ABCC8: variants seen among roughly 807,000 people sequenced by gnomAD.
ABCC8 encodes ATP binding cassette subfamily C member 8, also known as ATP-binding cassette sub-family C member 8.
In ABCC8, 137 loss-of-function variants were observed where a neutral mutation model predicts 188.0. The observed-to-expected ratio is 0.73, with a 90% CI of 0.63 to 0.84. ABCC8 has a LOEUF of 0.84. Among genes scored for constraint, ABCC8 ranks in the 40% least tolerant of loss-of-function variants. The pLI, the probability that ABCC8 is intolerant of heterozygous loss-of-function variation, is 0.00. For synonymous variants in ABCC8, 797 were observed against 846.5 expected, an observed-to-expected ratio of 0.94 and a Z score of 1.01; for missense variants, 1,750 against 2,072.7, an observed-to-expected ratio of 0.84 and a Z score of 3.02.
At chr11:17,461,292 T>G in intron 5 of ABCC8, 1 of 495,504 alleles carries the variant, frequency 2.0e-6, no homozygotes, top group Non-Finnish European at 3.7e-6. Flanking sequence ...GATGTGAGAG[T>G]CCAGTGGGGT....
intron 7 of ABCC8, among the ~76,000 whole-genome samples, chr11:17,451,299 C>T (rs570357883): frequency 1.2e-3 from 183 of 152,302 alleles, no homozygotes; most frequent in Non-Finnish European, 8.4e-4. Context: ...TGAGCAACAG[C>T]TTGGTTCCTC....
rs777932588 is a variant in ABCC8 at position 17,407,089 on chromosome 11, G to A, written c.2961C>T (p.Ser987=). Residue 987 remains serine (S), a synonymous_variant, in exon 25 of 39, where the codon TCC becomes TCT. Coordinates refer to ENST00000389817, the MANE Select transcript of ABCC8 (RefSeq NM_000352.6). ...GGATCTCAGCACGCTGGTGCAGCAT[G>A]GACGACAGGTTGTCATCCTCCTCGC... ...AESEEDDNLS[S]MLHQRAEIPW... is the part of the protein sequence containing the mutation. The A allele has an allele frequency of 6.2e-7, 1 of 1,613,734 alleles. No individual in the cohort carries two copies. The highest frequency in any genetic ancestry group is 1.1e-5 in the South Asian group (1 of 91,066).
Position 17,428,371 on chromosome 11 carries a change from CG to C in ABCC8, c.1957del (p.Arg653GlyfsTer56). On this transcript the variant is annotated frameshift_variant, in exon 14 of 39. Coordinates refer to ENST00000389817, the MANE Select transcript of ABCC8 (RefSeq NM_000352.6). LOFTEE classifies it high-confidence loss of function. ...LRVVNRKRPA[R>X]EDCRGLTGPL... Reference sequence around the variant, plus strand: ...GCCGGTGAGGCCCCGACAATCCTCCCGGGCTGGACGCTTGCGGTTCACAACC... The same window carrying C: ...GCCGGTGAGGCCCCGACAATCCTCCCGGCTGGACGCTTGCGGTTCACAACC... The C allele has an allele frequency of 6.2e-7, 1 of 1,614,096 alleles. No individual in the cohort carries two copies. The highest frequency in any genetic ancestry group is 8.5e-7 in the Non-Finnish European group (1 of 1,179,980).
At chr11:17,420,125 G>A (rs921777090) in intron 16 of ABCC8, among the ~76,000 whole-genome samples, 1 of 152,166 alleles carries the variant, frequency 6.6e-6, no homozygotes, top group Non-Finnish European at 1.5e-5. Context: ...GGAAGAAGTG[G>A]AAACTGAGGT....
At chr11:17,428,126 TC>T (rs1955670372) in intron 14 of ABCC8, 162 bp downstream of exon 14, 4 of 1,553,116 alleles carry the variant, frequency 2.6e-6, no homozygotes, top group Admixed American at 1.7e-5. Flanking sequence ...AGGCTGGGGG[TC>T]CCCCCACTTG....
intron 16 of ABCC8, among the ~76,000 whole-genome samples, chr11:17,424,124 T>C (rs2133518314): frequency 6.6e-6 from 1 of 151,894 alleles, no homozygotes; most frequent in Non-Finnish European, 1.5e-5. Flanking sequence ...TGAGAACACG[T>C]GGACACAGGG....
In ABCC8 at chr11:17,428,313, G is replaced by T. The variant is rs771361396; in HGVS notation, c.2016C>A (p.Gly672=). The change falls in exon 14 of 39, where the codon GGC becomes GGA. Residue 672 remains glycine (G), a synonymous_variant. Coordinates refer to ENST00000389817, the MANE Select transcript of ABCC8 (RefSeq NM_000352.6). ...PLQSLVPSAD[G]DADNCCVQIM... is the part of the protein sequence containing the mutation. ...CCTGGACACAGCAGTTGTCAGCATC[G>T]CCATCTGCACTGGGGACCAGGCTCT... is the stretch of plus-strand genomic sequence containing the variant. The T allele has an allele frequency of 6.2e-6, 10 of 1,614,042 alleles. No homozygotes were observed. In the South Asian group the frequency reaches 1.1e-4, roughly 18 times the overall value.
chr11:17,471,598 G>C (rs1358519074), intron 2 of ABCC8, among the ~76,000 whole-genome samples: 1 of 152,198 alleles, frequency 6.6e-6, no homozygotes, highest in Non-Finnish European at 1.5e-5. Context: ...TGCCAGTGTT[G>C]GTCCACGTAT....
chr11:17,443,664 G>C (rs1419233919), intron 8 of ABCC8, among the ~76,000 whole-genome samples: 1 of 152,152 alleles, frequency 6.6e-6, no homozygotes, highest in Non-Finnish European at 1.5e-5. Flanking sequence ...CTATTTGCTG[G>C]CTCTCAGGGC....
At position 17,443,228 on chromosome 11, in the gene ABCC8, C is replaced by G. The variant is rs758915102; in HGVS notation, c.1417G>C (p.Val473Leu). ...GAAVIILLAP[V>L]QYFVATKLSQ... Reference sequence around the variant, plus strand: ...AGCTTGGTGGCCACGAAGTACTGGACAGGAGCCAGTAGAATGATGACAGCT... The same window carrying G: ...AGCTTGGTGGCCACGAAGTACTGGAGAGGAGCCAGTAGAATGATGACAGCT... The change falls in exon 9 of 39, where the codon GTC becomes CTC. Residue 473 changes from valine (V) to leucine (L), a missense_variant. Transcript: ENST00000389817. The G allele has an allele frequency of 1.2e-6, 2 of 1,614,160 alleles. No individual in the cohort carries two copies. The highest frequency in any genetic ancestry group is 8.5e-7 in the Non-Finnish European group (1 of 1,180,034).
At position 17,461,417 on chromosome 11, in the gene ABCC8, C is replaced by T. The variant is rs188128124; in HGVS notation, c.822+166G>A. On this transcript the variant is annotated intron_variant, in intron 5 of 38. Transcript: ENST00000389817. Reference sequence around the variant, plus strand: ...TGTCCTATGAATCCTCAGCCCTGCACCTGTCCCTGGTTCACTGTGTGACTT... The same window carrying T: ...TGTCCTATGAATCCTCAGCCCTGCATCTGTCCCTGGTTCACTGTGTGACTT... 225 of 866,782 alleles carry T rather than the reference C, an allele frequency of 2.6e-4. No homozygotes were observed. In the East Asian group the frequency reaches 5.0e-3, roughly 19 times the overall value. 53.7% of individuals were successfully genotyped at this position (866,782 alleles called of 1,614,324 possible).
At chr11:17,410,711 T>C in intron 21 of ABCC8, 58 bp from the exon 22 acceptor site, 1 of 1,609,526 alleles carries the variant, frequency 6.2e-7, no homozygotes, top group Non-Finnish European at 8.5e-7. Context: ...TGGGGAGGGG[T>C]GACAATGAGT....
intron 28 of ABCC8, 21 bp from the exon 29 acceptor site, chr11:17,402,774 G>T (rs756125072): frequency 6.2e-7 from 1 of 1,614,108 alleles, no homozygotes; most frequent in Non-Finnish European, 8.5e-7. Flanking sequence ...GAACAGAGTG[G>T]AACAGTTAAG....
Position 17,397,024 on chromosome 11 carries a change from G to T in ABCC8, c.4011C>A (p.Asn1337Lys). 6.2e-7 allele frequency: 1 copy of T among 1,614,196 alleles called. No homozygotes were observed. The change falls in exon 33 of 39, where the codon AAC (asparagine) becomes AAA (lysine). Residue 1337 changes from asparagine (N) to lysine (K), a missense_variant. Asn to Lys is a moderately conservative substitution (Grantham distance 94, BLOSUM62 0). Coordinates refer to ENST00000389817, the MANE Select transcript of ABCC8 (RefSeq NM_000352.6). ...GLLAPSLIPK[N>K]WPDQGKIQIQ... ...TCTGGATCTTCCCTTGGTCTGGCCA[G>T]TTCTTTGGGATCAGCGATGGTGCTG...
chr11:17,424,239 G>C (rs1006921147), intron 16 of ABCC8, among the ~76,000 whole-genome samples: 3 of 152,120 alleles, frequency 2.0e-5, no homozygotes, highest in Non-Finnish European at 4.4e-5. Context: ...ATGACAGGTT[G>C]ATAGGTGCAG....
intron 16 of ABCC8, among the ~76,000 whole-genome samples, chr11:17,422,726 C>G (rs1176346872): frequency 6.6e-6 from 1 of 152,200 alleles, no homozygotes; most frequent in Non-Finnish European, 1.5e-5. Context: ...AAGCATGGTT[C>G]TTTTGCAACC....
intron 29 of ABCC8, among the ~76,000 whole-genome samples, chr11:17,399,342 T>C (rs888835585): frequency 6.8e-6 from 1 of 146,244 alleles, no homozygotes; most frequent in African/African-American, 2.5e-5. Flanking sequence ...CCACTGCTTA[T>C]AGGATGAAGA....
intron 30 of ABCC8, 136 bp downstream of exon 30, chr11:17,398,203 G>T: frequency 8.4e-7 from 1 of 1,188,576 alleles, no homozygotes; most frequent in Non-Finnish European, 1.2e-6. Context: ...GGACCACCAG[G>T]GCTGGGGGAA....
intron 33 of ABCC8, chr11:17,396,680 G>T: frequency 1.8e-6 from 1 of 570,536 alleles, no homozygotes; most frequent in East Asian, 3.1e-5. Flanking sequence ...CAGAGTGTCG[G>T]TCTCCTTGGT....
Sources: gnomAD v4.1 joint callset for allele counts (sites outside exome capture counted in the v4.1 genomes callset) on GRCh38, gnomAD v4.1.1 for gene constraint, MANE v1.5 for transcripts, NCBI Gene and HGNC (gene_info 2026-07-23, HGNC 2026-07-21) for gene names.